SMCR8: variants seen among roughly 807,000 people sequenced by gnomAD.
SMCR8 encodes guanine nucleotide exchange protein SMCR8.
Under a neutral mutation model 56.6 loss-of-function variants are expected in SMCR8, and 30 were observed. That is an observed-to-expected ratio of 0.53 (90% CI 0.40 to 0.72). The LOEUF (loss-of-function observed/expected upper bound fraction) is 0.72. Ranked by LOEUF, SMCR8 falls within the 30% of genes least tolerant of loss-of-function variation. SMCR8 has a pLI of 0.00. For synonymous variants in SMCR8, 538 were observed against 456.0 expected (o/e 1.18, Z -2.29); for missense variants, 1,198 against 1,157.0 (o/e 1.04, Z -0.51).
At position 18,315,980 on chromosome 17, in the gene SMCR8, C is replaced by G; in HGVS notation, c.191C>G (p.Ser64Cys). The change falls in exon 1 of 2, where the codon TCT becomes TGT. Residue 64 changes from serine to cysteine, a missense_variant. Transcript: ENST00000406438. ...GACTTCATTCTTATTTCCGAGTTCT[C>G]TGAGCAGGTGGGACCCCAACCCTTA... The part of the protein sequence containing the change: ...SRDFILISEF[S>C]EQVGPQPLLT... The G allele has an allele frequency of 1.9e-6, 3 of 1,614,192 alleles. No homozygotes were observed. The highest frequency in any genetic ancestry group is 2.5e-6 in the Non-Finnish European group (3 of 1,180,024).
In SMCR8 at chr17:18,322,635, T is replaced by C. The variant is rs745958395; in HGVS notation, c.2379T>C (p.Gly793=). ...GTTTCAGAGTGGCCTCCCCTGCCGG[T>C]GCCGGTACCCTCCATGCCCTGAGCC... ...IGLQRVASPA[G]AGTLHALSRY... is the part of the protein sequence containing the mutation. The change falls in exon 2 of 2, where the codon GGT becomes GGC. Residue 793 remains glycine (G), a synonymous_variant. Coordinates refer to ENST00000406438, the MANE Select transcript of SMCR8 (RefSeq NM_144775.3). The C allele has an allele frequency of 3.1e-6, 5 of 1,613,602 alleles. No individual in the cohort carries two copies. The South Asian group carries it at 4.4e-5, about 14-fold the overall frequency.
intron 1 of SMCR8, among the ~76,000 whole-genome samples, chr17:18,319,795 A>G (rs1051710669): frequency 1.1e-4 from 17 of 152,142 alleles, no homozygotes; most frequent in African/African-American, 3.6e-4. Flanking sequence ...ATCTCAGCCC[A>G]CTGCAGCCTC....
At chr17:18,319,747 G>C (rs1003945498) in intron 1 of SMCR8, among the ~76,000 whole-genome samples, 2 of 152,146 alleles carry the variant, frequency 1.3e-5, no homozygotes, top group African/African-American at 2.4e-5. Flanking sequence ...TGGAGACAGA[G>C]TCTTGCTCTG....
intron 1 of SMCR8, among the ~76,000 whole-genome samples, chr17:18,319,662 T>C (rs1329679464): frequency 1.3e-5 from 2 of 152,310 alleles, no homozygotes; most frequent in Admixed American, 1.3e-4. Context: ...GGATAAGAGA[T>C]GGCTAAACAA....
Position 18,322,781 on chromosome 17 carries a change from C to G in SMCR8, c.2525C>G (p.Thr842Ser), listed in dbSNP as rs571234503. ...CGCACACAGATCAAGCGGGGCAGCA[C>G]CTACTACCTGCATGTCCAGAGCATG... ...DHRTQIKRGS[T>S]YYLHVQSMLT... Residue 842 changes from threonine to serine, a missense_variant, in exon 2 of 2, where the codon ACC (threonine) becomes AGC (serine). By Grantham distance (58) the Thr-to-Ser change is moderately conservative. Coordinates refer to ENST00000406438, the MANE Select transcript of SMCR8 (RefSeq NM_144775.3). 1 of 1,614,166 alleles carries G rather than the reference C, an allele frequency of 6.2e-7. No homozygotes were observed. Among genetic ancestry groups the G allele is most frequent in the East Asian group, 2.2e-5 (1 of 44,882 alleles).
At position 18,317,742 on chromosome 17, in the gene SMCR8, G is replaced by A. The variant is rs752894508; in HGVS notation, c.1953G>A (p.Glu651=). ...DNSCEGFPAY[E]LDPSHLLASR... is the part of the protein sequence containing the mutation. ...GTTGTGAAGGGTTTCCCGCTTATGA[G>A]CTGGACCCGAGCCACCTGCTGGCTA... Residue 651 remains glutamate (E), a synonymous_variant, in exon 1 of 2, where the codon GAG becomes GAA. Coordinates refer to ENST00000406438, the MANE Select transcript of SMCR8 (RefSeq NM_144775.3). The A allele has an allele frequency of 1.2e-6, 2 of 1,614,128 alleles. No individual in the cohort carries two copies. The highest frequency in any genetic ancestry group is 1.7e-6 in the Non-Finnish European group (2 of 1,180,030).
In SMCR8 at chr17:18,315,860, C is replaced by T. The variant is rs773329646; in HGVS notation, c.71C>T (p.Pro24Leu). 2.2e-5 allele frequency: 35 copies of T among 1,613,892 alleles called. No individual in the cohort carries two copies. The highest frequency in any genetic ancestry group is 3.0e-5 in the Non-Finnish European group (35 of 1,179,822). ...TATGAAGAAGAGCCTTACAATGAGC[C>T]GGCCCTGCCTGAGGAGTACTCGGTG... ...EEYEEEPYNE[P>L]ALPEEYSVPL... is the part of the protein sequence containing the mutation. Residue 24 changes from proline (P) to leucine (L), a missense_variant, in exon 1 of 2, where the codon CCG becomes CTG. By Grantham distance (98) the Pro-to-Leu change is moderately conservative. Transcript: ENST00000406438.
chr17:18,321,971 C>A (rs1982510667), intron 1 of SMCR8, among the ~76,000 whole-genome samples: 1 of 152,118 alleles, frequency 6.6e-6, no homozygotes, highest in South Asian at 2.1e-4. Context: ...AAGCTAAGTA[C>A]AAGAGAGAGA....
rs1168741436 is a variant in SMCR8 at position 18,315,331 on chromosome 17, C to G, written c.-459C>G. On this transcript the variant is annotated 5_prime_UTR_variant, in exon 1 of 2. Coordinates refer to ENST00000406438, the MANE Select transcript of SMCR8 (RefSeq NM_144775.3). ...ATGGCGGCGCCGCGGTAGCAGGATC[C>G]GGGTTGTGGCGTCCTAGGAGCCGCG... The G allele has an allele frequency of 6.3e-6, 1 of 158,834 alleles. No individual in the cohort carries two copies. Among genetic ancestry groups the G allele is most frequent in the African/African-American group, 2.4e-5 (1 of 41,566 alleles). The allele number at this position is 158,834 out of a possible 1,614,324, so 9.8% of individuals were successfully genotyped here. A position where few individuals can be genotyped will look rare whatever the true frequency, so the allele number is the denominator to read the frequency against.
Position 18,322,675 on chromosome 17 carries a change from AC to A in SMCR8, c.2420del (p.Thr807ArgfsTer74). 6.2e-7 allele frequency: 1 copy of A among 1,614,200 alleles called. No individual in the cohort carries two copies. The highest frequency in any genetic ancestry group is 8.5e-7 in the Non-Finnish European group (1 of 1,180,040). On this transcript the variant is annotated frameshift_variant, in exon 2 of 2. Coordinates refer to ENST00000406438, the MANE Select transcript of SMCR8 (RefSeq NM_144775.3). LOFTEE classifies it high-confidence loss of function. ...TGCCCTGAGCCGCTACAGCCGCTAC[AC>A]GAGCATCCTGGACCTTGACAACAAA... ...LHALSRYSRYTSILDLDNKTL... is the reference protein window; with the variant it reads ...LHALSRYSRYXSILDLDNKTL...
Position 18,316,350 on chromosome 17 carries a change from C to G in SMCR8, c.561C>G (p.Asn187Lys). The change falls in exon 1 of 2, where the codon AAC (asparagine) becomes AAG (lysine). Residue 187 changes from asparagine to lysine, a missense_variant. By Grantham distance (94) the Asn-to-Lys change is moderately conservative. Transcript: ENST00000406438. The stretch of plus-strand genomic sequence containing the variant: ...CTTCTGAGTGCTTGAAGACTGGCAA[C>G]AGGAAGGCATTTGCTGGGGAACTTG... ...SRASECLKTG[N>K]RKAFAGELEK... The G allele has an allele frequency of 6.2e-7, 1 of 1,614,134 alleles. No individual in the cohort carries two copies. The highest frequency in any genetic ancestry group is 8.5e-7 in the Non-Finnish European group (1 of 1,180,050).
rs780785632 is a variant in SMCR8, at chr17:18,317,876, G to C, written c.2087G>C (p.Gly696Ala). The change falls in exon 1 of 2, where the codon GGC (glycine) becomes GCC (alanine). Residue 696 changes from glycine (G) to alanine (A), a missense_variant. By Grantham distance (60) the Gly-to-Ala change is moderately conservative. Coordinates refer to ENST00000406438, the MANE Select transcript of SMCR8 (RefSeq NM_144775.3). ...AGGATCCCCTCTGCTTATCCTGCTG[G>C]CCTGTCTTCCGATAGGCATAAAAAG... ...SDRIPSAYPAGLSSDRHKKRA... is the reference protein window; with the variant it reads ...SDRIPSAYPAALSSDRHKKRA... The C allele has an allele frequency of 2.3e-5, 37 of 1,614,048 alleles. 1 individual carries two copies. The Middle Eastern group carries it at 2.3e-3, about 100-fold the overall frequency.
chr17:18,323,806 C>T lies in SMCR8; in HGVS notation c.*736C>T, dbSNP rs1054041945. ...AGGAACGAGCAGAGTGTTCACTAGT[C>T]CTAGTGTGAAGCGGGCACAAGTGAC... On this transcript the variant is annotated 3_prime_UTR_variant, in exon 2 of 2. Coordinates refer to ENST00000406438, the MANE Select transcript of SMCR8 (RefSeq NM_144775.3). 6.6e-6 allele frequency: 1 copy of T among 152,652 alleles called. No individual in the cohort carries two copies. Among genetic ancestry groups the T allele is most frequent in the Non-Finnish European group, 1.5e-5 (1 of 68,356 alleles). The allele number at this position is 152,652 out of a possible 1,614,324, so 9.5% of individuals were successfully genotyped here.
chr17:18,318,395 GT>G, intron 1 of SMCR8, among the ~76,000 whole-genome samples: 1 of 152,240 alleles, frequency 6.6e-6, no homozygotes, highest in East Asian at 1.9e-4. Flanking sequence ...ATTAGGGAAA[GT>G]TTTTATTTTT....
At chr17:18,318,295 C>T (rs1982394571) in intron 1 of SMCR8, 146 bp downstream of exon 1, 2 of 780,246 alleles carry the variant, frequency 2.6e-6, no homozygotes, top group African/African-American at 3.5e-5. Context: ...ATCCCCCTCT[C>T]TGGTTTCTAT....
rs1481558229 is a variant in SMCR8 at position 18,317,605 on chromosome 17, T to A, written c.1816T>A (p.Ser606Thr). 2.2e-5 allele frequency: 35 copies of A among 1,613,942 alleles called. No homozygotes were observed. Among genetic ancestry groups the A allele is most frequent in the Non-Finnish European group, 2.8e-5 (33 of 1,180,022 alleles). ...GCCCTCCACTCCAGCCCACACACACTCTGACGAGGATGGGGTGGTGAGCAG... is the reference window on the plus strand; with the variant it reads ...GCCCTCCACTCCAGCCCACACACACACTGACGAGGATGGGGTGGTGAGCAG... The part of the protein sequence containing the change: ...VLPSTPAHTH[S>T]DEDGVVSSPP... The change falls in exon 1 of 2, where the codon TCT (serine) becomes ACT (threonine). Residue 606 changes from serine (S) to threonine (T), a missense_variant. Transcript: ENST00000406438.
At position 18,325,318 on chromosome 17, in the gene SMCR8, C is replaced by G. The variant is rs1982618830; in HGVS notation, c.*2248C>G. On this transcript the variant is annotated 3_prime_UTR_variant, in exon 2 of 2. Transcript: ENST00000406438. ...TCAAGTGGTCCTAAGTAGAAGTCCA[C>G]TTGAGGTATTTGCTGGCACACACCC... is the stretch of plus-strand genomic sequence containing the variant. 1 of 152,246 alleles carries G rather than the reference C, an allele frequency of 6.6e-6. No individual in the cohort carries two copies. Among genetic ancestry groups the G allele is most frequent in the Non-Finnish European group, 1.5e-5 (1 of 68,066 alleles). The allele number at this position is 152,246 out of a possible 1,614,324, so 9.4% of individuals were successfully genotyped here.
At position 18,317,025 on chromosome 17, in the gene SMCR8, A is replaced by T. The variant is rs1394997870; in HGVS notation, c.1236A>T (p.Leu412Phe). 1 of 1,614,122 alleles carries T rather than the reference A, an allele frequency of 6.2e-7. No individual in the cohort carries two copies. The highest frequency in any genetic ancestry group is 2.2e-5 in the East Asian group (1 of 44,886). The change falls in exon 1 of 2, where the codon TTA becomes TTT. Residue 412 changes from leucine (L) to phenylalanine (F), a missense_variant. By Grantham distance (22) the Leu-to-Phe change is conservative (BLOSUM62 0). Coordinates refer to ENST00000406438, the MANE Select transcript of SMCR8 (RefSeq NM_144775.3). ...AAGAATGCCCAATTCCTAAAGTGTT[A>T]ATTAGTGTTGGTTCTTACAAGTCCA... ...SLEECPIPKV[L>F]ISVGSYKSSV...
Position 18,317,762 on chromosome 17 carries a change from T to C in SMCR8, c.1973T>C (p.Leu658Pro). The change falls in exon 1 of 2, where the codon CTG (leucine) becomes CCG (proline). Residue 658 changes from leucine (L) to proline (P), a missense_variant. Physicochemically the swap from Leu to Pro is moderately conservative, Grantham distance 98. Coordinates refer to ENST00000406438, the MANE Select transcript of SMCR8 (RefSeq NM_144775.3). ...TATGAGCTGGACCCGAGCCACCTGCTGGCTAGCCGGGACATCAGTAAGACC... is the reference window on the plus strand; with the variant it reads ...TATGAGCTGGACCCGAGCCACCTGCCGGCTAGCCGGGACATCAGTAAGACC... ...PAYELDPSHL[L>P]ASRDISKTSL... 1 of 1,614,160 alleles carries C rather than the reference T, an allele frequency of 6.2e-7. No individual in the cohort carries two copies.
Sources: allele counts gnomAD v4.1 joint callset (sites outside exome capture counted in the v4.1 genomes callset), GRCh38; gene constraint gnomAD v4.1.1; transcripts MANE v1.5; gene names NCBI Gene and HGNC (gene_info 2026-07-23, HGNC 2026-07-21).